The following VEPH1 variants were observed in gnomAD, a reference collection of about 807,000 sequenced individuals.
VEPH1 encodes the protein ventricular zone-expressed PH domain-containing protein homolog 1.
In VEPH1, 80 loss-of-function variants were observed where a neutral mutation model predicts 85.2. The observed-to-expected ratio is 0.94, with a 90% CI of 0.78 to 1.13. The LOEUF is 1.13. Among genes scored for constraint, VEPH1 ranks in the 50% most tolerant of loss-of-function variants. The pLI is 0.00. For synonymous variants in VEPH1, 297 were observed against 348.0 expected, an observed-to-expected ratio of 0.85 and a Z score of 1.63; for missense variants, 955 against 980.5, an observed-to-expected ratio of 0.97 and a Z score of 0.35.
chr3:157,352,580 G>A (rs1270711903), intron 9 of VEPH1, among the ~76,000 whole-genome samples: 1 of 152,168 alleles, frequency 6.6e-6, no homozygotes, highest in South Asian at 2.1e-4. Flanking sequence ...GTAGTAAACT[G>A]ATGAATGCAG....
In VEPH1 at chr3:157,323,525, C is replaced by T. The variant is rs114719998; in HGVS notation, c.1736-6324G>A. 3.3e-3 allele frequency among the ~76,000 whole-genome samples: 508 copies of T among 152,272 alleles called. 4 individuals carry two copies. Among genetic ancestry groups the T allele is most frequent in the African/African-American group, 0.012 (488 of 41,554 alleles). On this transcript the variant is annotated intron_variant, in intron 9 of 13. Coordinates refer to ENST00000362010, the MANE Select transcript of VEPH1 (RefSeq NM_001167912.2). ...GTATTAGTTGAGAAATATGTGTTCC[C>T]TTTACAGCAGCTGGTGGGCCCCTGG...
At chr3:157,494,158 C>T (rs1739457941) in intron 2 of VEPH1, among the ~76,000 whole-genome samples, 1 of 152,164 alleles carries the variant, frequency 6.6e-6, no homozygotes, top group African/African-American at 2.4e-5. Flanking sequence ...ATGTTAATGG[C>T]AGCCAGCAAG....
chr3:157,390,360 A>G (rs1196970789), intron 6 of VEPH1, among the ~76,000 whole-genome samples: 3 of 152,208 alleles, frequency 2.0e-5, no homozygotes, highest in African/African-American at 4.8e-5. Flanking sequence ...AAGAAAGTCA[A>G]AGGAGGAACT....
At chr3:157,413,695 C>A in intron 6 of VEPH1, 186 bp downstream of exon 6, 1 of 976,302 alleles carries the variant, frequency 1.0e-6, no homozygotes, top group Non-Finnish European at 1.2e-6. Flanking sequence ...TCCCAGAAAT[C>A]CCAGGACAAA....
chr3:157,371,361 A>C (rs2108812869), intron 7 of VEPH1, among the ~76,000 whole-genome samples: 1 of 152,358 alleles, frequency 6.6e-6, no homozygotes, highest in African/African-American at 2.4e-5. Context: ...CAAGGAAGGG[A>C]CACTTCTAAT....
At chr3:157,424,969 T>C (rs1480545047) in intron 5 of VEPH1, among the ~76,000 whole-genome samples, 1 of 152,184 alleles carries the variant, frequency 6.6e-6, no homozygotes, top group Non-Finnish European at 1.5e-5. Flanking sequence ...CCAGGGAATT[T>C]CAGAGGTCTT....
chr3:157,314,858 A>C (rs894229094), intron 10 of VEPH1, among the ~76,000 whole-genome samples: 2 of 152,172 alleles, frequency 1.3e-5, no homozygotes, highest in African/African-American at 4.8e-5. Context: ...GCCAATGAAA[A>C]TAAACTTTTC....
intron 1 of VEPH1, among the ~76,000 whole-genome samples, chr3:157,497,771 T>C (rs1739781989): frequency 6.6e-6 from 1 of 152,202 alleles, no homozygotes; most frequent in Non-Finnish European, 1.5e-5. Context: ...CCCACATTCA[T>C]GCTGCCAACT....
chr3:157,325,633 A>G (rs1419697212), intron 9 of VEPH1, among the ~76,000 whole-genome samples: 9 of 152,126 alleles, frequency 5.9e-5, no homozygotes, highest in Admixed American at 5.9e-4. Context: ...CAGGTTTGTC[A>G]AAGACCAGAT....
chr3:157,306,530 C>G (rs1347821247), intron 11 of VEPH1, among the ~76,000 whole-genome samples: 1 of 151,978 alleles, frequency 6.6e-6, no homozygotes, highest in African/African-American at 2.4e-5. Context: ...CATGACTATA[C>G]CACAACGTTT....
rs1737278601 is a variant in VEPH1 at position 157,474,641 on chromosome 3, G to A, written c.139-4112C>T. Among the ~76,000 whole-genome samples the A allele has an allele frequency of 2.0e-5, 3 of 152,224 alleles. 1 individual carries two copies. In the South Asian group the frequency reaches 6.2e-4, roughly 32 times the overall value. On this transcript the variant is annotated intron_variant, in intron 2 of 13. Transcript: ENST00000362010. ...CATTTTATCATAATCAACAATTTAA[G>A]CATGGTGGAGCTACATGTAGACTTC...
intron 12 of VEPH1, among the ~76,000 whole-genome samples, chr3:157,275,168 A>C (rs1003492716): frequency 6.6e-6 from 1 of 152,224 alleles, no homozygotes; most frequent in Admixed American, 6.5e-5. Flanking sequence ...GTGCATGAAT[A>C]ACTCATATTT....
intron 2 of VEPH1, among the ~76,000 whole-genome samples, chr3:157,486,485 CA>C (rs576141960): frequency 2.1e-3 from 254 of 118,262 alleles, no homozygotes; most frequent in African/African-American, 3.4e-3. Flanking sequence ...GACTCTGACT[CA>C]AAAAAAAAAA....
intron 11 of VEPH1, among the ~76,000 whole-genome samples, chr3:157,301,209 TA>T (rs1256151462): frequency 1.3e-5 from 2 of 152,222 alleles, no homozygotes; most frequent in African/African-American, 2.4e-5. Flanking sequence ...GCTATTGTCC[TA>T]ACCTTGGCCA....
intron 2 of VEPH1, among the ~76,000 whole-genome samples, 171 bp downstream of exon 2, chr3:157,495,041 C>T (rs1180902524): frequency 6.6e-6 from 1 of 152,164 alleles, no homozygotes; most frequent in Non-Finnish European, 1.5e-5. Context: ...GCCATGACTT[C>T]CCTACTGATA....
In VEPH1 at chr3:157,396,048, CT is replaced by C. The variant is rs1730348750; in HGVS notation, c.907-14673del. Among the ~76,000 whole-genome samples the C allele has an allele frequency of 2.0e-5, 3 of 152,174 alleles. No homozygotes were observed. The South Asian group carries it at 6.2e-4, about 32-fold the overall frequency. On this transcript the variant is annotated intron_variant, in intron 6 of 13. Transcript: ENST00000362010. Reference sequence around the variant, plus strand: ...ATCAACCCATCACTAGGTATTAAGTCTTGCATGCATTATCTATTCTTTCTGA... The same window carrying C: ...ATCAACCCATCACTAGGTATTAAGTCTGCATGCATTATCTATTCTTTCTGA...
At chr3:157,384,099 C>T (rs1729052442) in intron 6 of VEPH1, among the ~76,000 whole-genome samples, 1 of 152,086 alleles carries the variant, frequency 6.6e-6, no homozygotes, top group South Asian at 2.1e-4. Flanking sequence ...AATAATGAGG[C>T]AGACAGACAA....
chr3:157,277,165 AC>A (rs1715508724), intron 12 of VEPH1, among the ~76,000 whole-genome samples: 1 of 152,222 alleles, frequency 6.6e-6, no homozygotes, highest in Non-Finnish European at 1.5e-5. Flanking sequence ...TGCTGGGATT[AC>A]AGATGTGAGC....
intron 6 of VEPH1, among the ~76,000 whole-genome samples, chr3:157,407,930 A>G (rs1420636465): frequency 2.6e-5 from 4 of 152,178 alleles, no homozygotes; most frequent in African/African-American, 9.7e-5. Flanking sequence ...AGGTGATGTA[A>G]GTTGCCCATA....
Sources: gnomAD v4.1 joint callset for allele counts (sites outside exome capture counted in the v4.1 genomes callset) on GRCh38, gnomAD v4.1.1 for gene constraint, MANE v1.5 for transcripts, NCBI Gene and HGNC (gene_info 2026-07-23, HGNC 2026-07-21) for gene names.